The following TMEM233 variants were observed in gnomAD, a reference collection of about 807,000 sequenced individuals.
The protein encoded by TMEM233 is transmembrane protein 233, also known as dispanin subfamily B member 2.
In TMEM233, 6 loss-of-function variants were observed where a neutral mutation model predicts 11.2. The ratio of observed to expected loss-of-function variants is 0.54; its 90% CI spans 0.29 to 1.06. The LOEUF (loss-of-function observed/expected upper bound fraction) is 1.06. TMEM233 is among the 50% of genes least tolerant of loss of function. TMEM233 has a pLI of 0.08. For synonymous variants in TMEM233, 59 were observed against 55.8 expected, an observed-to-expected ratio of 1.06 and a Z score of -0.26; for missense variants, 127 against 144.7, an observed-to-expected ratio of 0.88 and a Z score of 0.63.
chr12:119,616,680 C>G (rs537381845), intron 1 of TMEM233, among the ~76,000 whole-genome samples: 21 of 152,256 alleles, frequency 1.4e-4, no homozygotes, highest in Non-Finnish European at 1.3e-4. Flanking sequence ...TTGTTTGGCT[C>G]TGTCCCCACC....
chr12:119,617,202 G>T (rs1437850227), intron 1 of TMEM233, among the ~76,000 whole-genome samples: 1 of 152,156 alleles, frequency 6.6e-6, no homozygotes, highest in Non-Finnish European at 1.5e-5. Context: ...TAGAGACTTG[G>T]AGGCCTCAGA....
intron 1 of TMEM233, among the ~76,000 whole-genome samples, chr12:119,616,362 A>G (rs1420076900): frequency 6.6e-6 from 1 of 152,242 alleles, no homozygotes; most frequent in Non-Finnish European, 1.5e-5. Flanking sequence ...CCATTTGGAT[A>G]ACAGAGGAAA....
chr12:119,602,113 T>C (rs1397680183), intron 1 of TMEM233, among the ~76,000 whole-genome samples: 2 of 152,168 alleles, frequency 1.3e-5, no homozygotes, highest in East Asian at 3.8e-4. Context: ...GGTCAGTAAA[T>C]ACTCACAGGA....
At chr12:119,644,899 T>C (rs1955131667), downstream of TMEM233, among the ~76,000 whole-genome samples, 1 of 152,138 alleles carries the variant, frequency 6.6e-6, no homozygotes, top group Non-Finnish European at 1.5e-5. Flanking sequence ...TCCAGAATGT[T>C]TAAGAGAGAC....
intron 1 of TMEM233, among the ~76,000 whole-genome samples, chr12:119,613,395 G>A (rs1273799136): frequency 6.6e-6 from 1 of 152,190 alleles, no homozygotes; most frequent in Non-Finnish European, 1.5e-5. Flanking sequence ...TCAGGTGGCA[G>A]AACAAACACT....
intron 1 of TMEM233, among the ~76,000 whole-genome samples, chr12:119,626,484 A>AAAAAAG (rs566339529): frequency 8.9e-6 from 1 of 112,578 alleles, no homozygotes; most frequent in Admixed American, 9.5e-5. Flanking sequence ...AAAAAAAAAA[A>AAAAAAG]AAGAAGAAAA....
At chr12:119,634,412 AGC>A (rs894883481) in intron 2 of TMEM233, 2 of 259,432 alleles carry the variant, frequency 7.7e-6, no homozygotes, top group African/African-American at 4.6e-5. Flanking sequence ...GTTTAGGACC[AGC>A]CTGGGCAACA....
At chr12:119,637,335 A>T (rs565693098) in intron 2 of TMEM233, among the ~76,000 whole-genome samples, 2 of 152,338 alleles carry the variant, frequency 1.3e-5, no homozygotes, top group East Asian at 3.9e-4. Flanking sequence ...GTTTTCATTA[A>T]GGAAAAACTT....
intron 2 of TMEM233, among the ~76,000 whole-genome samples, chr12:119,633,747 C>G (rs767849704): frequency 6.6e-6 from 1 of 152,136 alleles, no homozygotes; most frequent in Non-Finnish European, 1.5e-5. Context: ...GTAACATGGC[C>G]AATTTCTCAG....
chr12:119,626,844 C>T (rs972604615), intron 1 of TMEM233, among the ~76,000 whole-genome samples: 1 of 152,214 alleles, frequency 6.6e-6, no homozygotes, highest in Non-Finnish European at 1.5e-5. Context: ...AATATTCATG[C>T]ACTCATTCAG....
At chr12:119,602,404 G>A (rs1187055740) in intron 1 of TMEM233, among the ~76,000 whole-genome samples, 3 of 152,208 alleles carry the variant, frequency 2.0e-5, no homozygotes, top group Admixed American at 1.3e-4. Flanking sequence ...TTCCACAGCT[G>A]AGATTGTCAC....
the TMEM233 span, among the ~76,000 whole-genome samples, chr12:119,652,066 G>A: frequency 6.6e-6 from 1 of 152,278 alleles, no homozygotes; most frequent in East Asian, 1.9e-4. Flanking sequence ...TGAGGAGGAT[G>A]TGAGAAACAG....
intron 1 of TMEM233, 48 bp from the exon 2 acceptor site, chr12:119,629,688 T>TCAGGGAAAG (rs1954837942): frequency 6.6e-7 from 1 of 1,516,028 alleles, no homozygotes; most frequent in South Asian, 1.3e-5. Context: ...TCCATCCCTT[T>TCAGGGAAAG]CCCTGTGGGT....
downstream of TMEM233, chr12:119,643,162 G>C (rs1336824174): frequency 1.3e-5 from 2 of 152,266 alleles, no homozygotes; most frequent in African/African-American, 4.8e-5. Flanking sequence ...TCCAGCATCA[G>C]TCCCCAGGGA....
intron 2 of TMEM233, among the ~76,000 whole-genome samples, chr12:119,635,248 A>G (rs1954948723): frequency 6.6e-6 from 1 of 152,200 alleles, no homozygotes; most frequent in Non-Finnish European, 1.5e-5. Flanking sequence ...TCAAAGCACA[A>G]ATCTCAGAGC....
intron 1 of TMEM233, among the ~76,000 whole-genome samples, chr12:119,600,316 C>A (rs1359723163): frequency 2.7e-5 from 4 of 148,238 alleles, no homozygotes; most frequent in Admixed American, 1.3e-4. Context: ...AGACAAGAAC[C>A]GGCTGAAAAA....
chr12:119,615,999 C>A (rs1954523923), intron 1 of TMEM233, among the ~76,000 whole-genome samples: 3 of 152,136 alleles, frequency 2.0e-5, no homozygotes, highest in African/African-American at 7.2e-5. Context: ...CCAGCTTTCC[C>A]CCCGTGGGTA....
intron 1 of TMEM233, among the ~76,000 whole-genome samples, chr12:119,622,799 G>C (rs956160096): frequency 6.6e-6 from 1 of 152,118 alleles, no homozygotes; most frequent in African/African-American, 2.4e-5. Context: ...CCAAGTACCA[G>C]GGGAGAAAAT....
intron 2 of TMEM233, chr12:119,631,386 C>T (rs991041860): frequency 2.2e-6 from 1 of 448,714 alleles, no homozygotes; most frequent in Non-Finnish European, 2.9e-6. Flanking sequence ...GATCCACTTC[C>T]TATCAGAGAA....
Sources: allele counts gnomAD v4.1 joint callset (sites outside exome capture counted in the v4.1 genomes callset), GRCh38; gene constraint gnomAD v4.1.1; transcripts MANE v1.5; gene names NCBI Gene and HGNC (gene_info 2026-07-23, HGNC 2026-07-21).